The following MGAT4B variants were observed in gnomAD, a reference collection of about 807,000 sequenced individuals.
MGAT4B encodes the protein N-acetylglucosaminyltransferase IVb.
Under a neutral mutation model 73.9 loss-of-function variants are expected in MGAT4B, and 38 were observed. The ratio of observed to expected loss-of-function variants is 0.51; its 90% CI spans 0.40 to 0.67. The LOEUF (loss-of-function observed/expected upper bound fraction) is 0.67, where lower values mean the gene tolerates loss of function less well. Ranked by LOEUF, MGAT4B falls within the 30% of genes least tolerant of loss-of-function variation. The probability of loss-of-function intolerance (pLI) is 0.00; values close to 1 mark genes in which losing one functional copy is unlikely to be tolerated. For synonymous variants in MGAT4B, 373 were observed against 313.5 expected (o/e 1.19, Z -2.01); for missense variants, 686 against 735.2 (o/e 0.93, Z 0.77).
intron 12 of MGAT4B, 26 bp downstream of exon 12, chr5:179,798,487 G>C (rs1756754928): frequency 6.2e-7 from 1 of 1,613,394 alleles, no homozygotes; most frequent in Non-Finnish European, 8.5e-7. Context: ...CCCGGCTTCA[G>C]TGCACACCAC....
rs116067782 is a variant in MGAT4B, at chr5:179,797,891, C to G, written c.*154G>C. 2 of 1,116,278 alleles carry G rather than the reference C, an allele frequency of 1.8e-6. No homozygotes were observed. Among genetic ancestry groups the G allele is most frequent in the Non-Finnish European group, 1.3e-6 (1 of 786,504 alleles). 69.1% of individuals were successfully genotyped at this position (1,116,278 alleles called of 1,614,324 possible). On this transcript the variant is annotated 3_prime_UTR_variant, in exon 15 of 15. Transcript: ENST00000292591. Reference sequence around the variant, plus strand: ...GGGCAGCACCAGCTCCTAGGGCCTCCGGGCCAGCGGCGGACCCCAGGCCGG... The same window carrying G: ...GGGCAGCACCAGCTCCTAGGGCCTCGGGGCCAGCGGCGGACCCCAGGCCGG...
intron 1 of MGAT4B, among the ~76,000 whole-genome samples, chr5:179,804,708 C>T (rs550392494): frequency 1.2e-4 from 19 of 152,292 alleles, no homozygotes; most frequent in African/African-American, 2.2e-4. Context: ...AGTTCCTGGA[C>T]CCCCGCTGGC....
At chr5:179,805,991 TC>T (rs1161078220) in intron 1 of MGAT4B, among the ~76,000 whole-genome samples, 2 of 142,410 alleles carry the variant, frequency 1.4e-5, no homozygotes, top group Non-Finnish European at 3.1e-5. Flanking sequence ...CCTCCCTCCC[TC>T]CCTCCCTCCC....
At position 179,801,224 on chromosome 5, in the gene MGAT4B, C is replaced by G. The variant is rs1421241563; in HGVS notation, c.558+110G>C. On this transcript the variant is annotated intron_variant, in intron 4 of 14. Transcript: ENST00000292591. The surrounding 1 kb of genome is among the most constrained non-coding windows in gnomAD (Gnocchi z 4.8). Reference sequence around the variant, plus strand: ...TATCTCGGAGCATTTGCGAATGAAACTAGCAACTGAACTTCCGACAGCTTT... The same window carrying G: ...TATCTCGGAGCATTTGCGAATGAAAGTAGCAACTGAACTTCCGACAGCTTT... 2 of 1,419,758 alleles carry G rather than the reference C, an allele frequency of 1.4e-6. No homozygotes were observed. The highest frequency in any genetic ancestry group is 1.9e-6 in the Non-Finnish European group (2 of 1,068,018). 87.9% of individuals were successfully genotyped at this position (1,419,758 alleles called of 1,614,324 possible).
rs997280800 is a variant in MGAT4B, at chr5:179,801,946, G to C, written c.121C>G (p.Arg41Gly). Residue 41 changes from arginine (R) to glycine (G), a missense_variant, in exon 2 of 15, where the codon CGG becomes GGG. By Grantham distance (125) the Arg-to-Gly change is moderately radical. Coordinates refer to ENST00000292591, the MANE Select transcript of MGAT4B (RefSeq NM_014275.5). The surrounding 1 kb of genome is among the most constrained non-coding windows in gnomAD (Gnocchi z 4.8). ...QKGDVVDVYQ[R>G]EFLALRDRLH... ...CGATCGCGCAGCGCCAGGAACTCCCGCTGGTAAACGTCCACAACGTCGCCT... is the reference window on the plus strand; with the variant it reads ...CGATCGCGCAGCGCCAGGAACTCCCCCTGGTAAACGTCCACAACGTCGCCT... 2 of 1,613,270 alleles carry C rather than the reference G, an allele frequency of 1.2e-6. No individual in the cohort carries two copies. Among genetic ancestry groups the C allele is most frequent in the African/African-American group, 2.7e-5 (2 of 74,944 alleles).
intron 5 of MGAT4B, 76 bp downstream of exon 5, chr5:179,800,831 G>A: frequency 6.7e-7 from 1 of 1,496,858 alleles, no homozygotes. Context: ...ATCTCATGGG[G>A]AGGCAGGAAC....
In MGAT4B at chr5:179,801,385, C is replaced by G. The variant is rs146164857; in HGVS notation, c.507G>C (p.Glu169Asp). Residue 169 changes from glutamate (E) to aspartate (D), a missense_variant, in exon 4 of 15, where the codon GAG becomes GAC. This residue lies in a region of MGAT4B where 449 missense variants were observed against 536.8 expected (regional missense o/e 0.84). Coordinates refer to ENST00000292591, the MANE Select transcript of MGAT4B (RefSeq NM_014275.5). The surrounding 1 kb of genome is among the most constrained non-coding windows in gnomAD (Gnocchi z 4.8). ...AGTCCTCCTTCTCCTGCGGGCTCAGCTCGGAGATGAGCGAGTGCAGAGTGT... is the reference window on the plus strand; with the variant it reads ...AGTCCTCCTTCTCCTGCGGGCTCAGGTCGGAGATGAGCGAGTGCAGAGTGT... ...LTDTLHSLISELSPQEKEDSV... is the reference protein window; with the variant it reads ...LTDTLHSLISDLSPQEKEDSV... 15 of 1,612,770 alleles carry G rather than the reference C, an allele frequency of 9.3e-6. No homozygotes were observed. The highest frequency in any genetic ancestry group is 1.2e-5 in the Non-Finnish European group (14 of 1,179,654).
intron 13 of MGAT4B, 21 bp from the exon 14 acceptor site, chr5:179,798,298 G>C: frequency 1.9e-6 from 3 of 1,612,806 alleles, no homozygotes; most frequent in Non-Finnish European, 2.5e-6. Context: ...GCAGTGGTGA[G>C]AGGGTGTCCC....
Position 179,801,049 on chromosome 5 carries a change from C to G in MGAT4B, c.559-96G>C, listed in dbSNP as rs571601920. 1 of 1,460,128 alleles carries G rather than the reference C, an allele frequency of 6.8e-7. No individual in the cohort carries two copies. Among genetic ancestry groups the G allele is most frequent in the African/African-American group, 1.4e-5 (1 of 71,790 alleles). 90.4% of individuals were successfully genotyped at this position (1,460,128 alleles called of 1,614,324 possible). A position where few individuals can be genotyped will look rare whatever the true frequency, so the allele number is the denominator to read the frequency against. ...GGGCACAGGCTTCAGATGCCCCCCA[C>G]GTGGAGGGAGTGAGCCTGCTGTGCT... is the stretch of plus-strand genomic sequence containing the variant. On this transcript the variant is annotated intron_variant, in intron 4 of 14. Coordinates refer to ENST00000292591, the MANE Select transcript of MGAT4B (RefSeq NM_014275.5). This position sits in a 1 kb window ranked among gnomAD's most constrained non-coding sequence, Gnocchi z 4.8.
At chr5:179,799,844 G>T in intron 8 of MGAT4B, 110 bp downstream of exon 8, 1 of 1,285,780 alleles carries the variant, frequency 7.8e-7, no homozygotes, top group Non-Finnish European at 1.1e-6. Context: ...ACGCACACCA[G>T]GCAGGGCCCA....
In MGAT4B at chr5:179,801,095, C is replaced by A; in HGVS notation, c.559-142G>T. ...GTGCTGAGGGCGGAGTAAGGGGGCC[C>A]CCAGAGACGGCCCTTTCCCTTTGGG... On this transcript the variant is annotated intron_variant, in intron 4 of 14. Transcript: ENST00000292591. The surrounding 1 kb of genome is among the most constrained non-coding windows in gnomAD (Gnocchi z 4.8). 1 of 1,214,718 alleles carries A rather than the reference C, an allele frequency of 8.2e-7. No individual in the cohort carries two copies. Among genetic ancestry groups the A allele is most frequent in the Non-Finnish European group, 1.1e-6 (1 of 870,334 alleles). 75.2% of individuals were successfully genotyped at this position (1,214,718 alleles called of 1,614,324 possible). A position where few individuals can be genotyped will look rare whatever the true frequency, so the allele number is the denominator to read the frequency against.
In MGAT4B at chr5:179,797,919, C is replaced by G. The variant is rs914786670; in HGVS notation, c.*126G>C. On this transcript the variant is annotated 3_prime_UTR_variant, in exon 15 of 15. Transcript: ENST00000292591. ...GCCAGCGGCGGACCCCAGGCCGGCC[C>G]AAGCCCGACGCCAGGCAGAACCCTT... The G allele has an allele frequency of 5.8e-6, 8 of 1,386,564 alleles. No individual in the cohort carries two copies. The Admixed American group carries it at 1.3e-4, about 22-fold the overall frequency. 85.9% of individuals were successfully genotyped at this position (1,386,564 alleles called of 1,614,324 possible).
Position 179,806,653 on chromosome 5 carries a change from A to T in MGAT4B, c.-70T>A. On this transcript the variant is annotated 5_prime_UTR_variant, in exon 1 of 15. Transcript: ENST00000292591. This position sits in a 1 kb window ranked among gnomAD's most constrained non-coding sequence, Gnocchi z 4.6. ...GCCCGGGGGACCGGGGCCGGGGCGC[A>T]GGGGTCGGAAGGCGGCGGCGGCGGC... 1.3e-6 allele frequency: 1 copy of T among 750,984 alleles called. No individual in the cohort carries two copies. The highest frequency in any genetic ancestry group is 1.6e-6 in the Non-Finnish European group (1 of 625,278). 46.5% of individuals were successfully genotyped at this position (750,984 alleles called of 1,614,324 possible).
In MGAT4B at chr5:179,799,199, C is replaced by A. The variant is rs2113424666; in HGVS notation, c.1149+4G>T. 3 of 1,613,978 alleles carry A rather than the reference C, an allele frequency of 1.9e-6. No homozygotes were observed. The East Asian group carries it at 6.7e-5, about 36-fold the overall frequency. On this transcript the variant is annotated splice_donor_region_variant and intron_variant, in intron 10 of 14. Coordinates refer to ENST00000292591, the MANE Select transcript of MGAT4B (RefSeq NM_014275.5). ...GCCTAGGGAGAGCGTGCAGTGCAGC[C>A]CACCTTCAGTTTCTGGATCTTGCCA...
chr5:179,805,458 A>T (rs1340238853), intron 1 of MGAT4B: 1 of 152,474 alleles, frequency 6.6e-6, no homozygotes, highest in Non-Finnish European at 1.5e-5. Flanking sequence ...GGCTCCCCGC[A>T]GAGTCCCTGG....
At position 179,801,445 on chromosome 5, in the gene MGAT4B, C is replaced by T. The variant is rs1049933147; in HGVS notation, c.447G>A (p.Pro149=). 4 of 1,608,418 alleles carry T rather than the reference C, an allele frequency of 2.5e-6. No homozygotes were observed. Among genetic ancestry groups the T allele is most frequent in the Non-Finnish European group, 3.4e-6 (4 of 1,176,556 alleles). ...ACGAGTGCACCTCGCGCCGCACGCT[C>T]GGGATGCCCATCACCACCGACACTA... ...RTGVSVVMGI[P]SVRREVHSYL... The change falls in exon 4 of 15, where the codon CCG becomes CCA. Residue 149 remains proline (P), a synonymous_variant. Transcript: ENST00000292591. The surrounding 1 kb of genome is among the most constrained non-coding windows in gnomAD (Gnocchi z 4.8).
Position 179,798,289 on chromosome 5 carries a change from C to T in MGAT4B, c.1511-12G>A, listed in dbSNP as rs1429872559. The T allele has an allele frequency of 1.3e-5, 21 of 1,612,668 alleles. No individual in the cohort carries two copies. The highest frequency in any genetic ancestry group is 1.8e-5 in the Non-Finnish European group (21 of 1,179,814). On this transcript the variant is annotated splice_polypyrimidine_tract_variant and intron_variant, in intron 13 of 14. Transcript: ENST00000292591. Reference sequence around the variant, plus strand: ...CTTGTAGAAGGAGCCTGTGGGAGGGCAGTGGTGAGAGGGTGTCCCTGAACC... The same window carrying T: ...CTTGTAGAAGGAGCCTGTGGGAGGGTAGTGGTGAGAGGGTGTCCCTGAACC...
chr5:179,798,831 G>A lies in MGAT4B; in HGVS notation c.1343+97C>T, dbSNP rs1756773864. 2.8e-6 allele frequency: 4 copies of A among 1,437,838 alleles called. No individual in the cohort carries two copies. The East Asian group carries it at 9.4e-5, about 34-fold the overall frequency. The allele number at this position is 1,437,838 out of a possible 1,614,324, so 89.1% of individuals were successfully genotyped here. Reference sequence around the variant, plus strand: ...CATTACGAGGCCCACTTCAGATGCGGAAACTGAAGAACGTGAGGATAACTT... The same window carrying A: ...CATTACGAGGCCCACTTCAGATGCGAAAACTGAAGAACGTGAGGATAACTT... On this transcript the variant is annotated intron_variant, in intron 11 of 14. Transcript: ENST00000292591.
In MGAT4B at chr5:179,801,880, C is replaced by T. The variant is rs202196641; in HGVS notation, c.187G>A (p.Glu63Lys). 19 of 1,612,928 alleles carry T rather than the reference C, an allele frequency of 1.2e-5. No individual in the cohort carries two copies. The East Asian group carries it at 3.6e-4, about 30-fold the overall frequency. The stretch of plus-strand genomic sequence containing the variant: ...ATCTCGTCCAGCACCAGGTTGAGCT[C>T]CTTGGAGCGCTTGAGGCTCTCCTGC... ...AEQESLKRSKELNLVLDEIKR... is the reference protein window; with the variant it reads ...AEQESLKRSKKLNLVLDEIKR... Residue 63 changes from glutamate to lysine, a missense_variant, in exon 2 of 15, where the codon GAG becomes AAG. Glu to Lys is a moderately conservative substitution (Grantham distance 56, BLOSUM62 1). This residue lies in a region of MGAT4B where 237 missense variants were observed against 198.5 expected (regional missense o/e 1.19). Transcript: ENST00000292591. The surrounding 1 kb of genome is among the most constrained non-coding windows in gnomAD (Gnocchi z 4.8).
Sources: gnomAD v4.1 joint callset for allele counts (sites outside exome capture counted in the v4.1 genomes callset) on GRCh38, gnomAD v4.1.1 for gene constraint, gnomAD v4.1.1 regional missense constraint, Gnocchi (gnomAD v3.1) non-coding constraint, MANE v1.5 for transcripts, NCBI Gene and HGNC (gene_info 2026-07-23, HGNC 2026-07-21) for gene names.